Variants in BCL2 observed in about 807,000 individuals in gnomAD.
The protein encoded by BCL2 is apoptosis regulator Bcl-2.
Under a neutral mutation model 14.2 loss-of-function variants are expected in BCL2, and 1 was observed. That is an observed-to-expected ratio of 0.07 (90% confidence interval 0.02 to 0.33). The LOEUF is 0.33. Among genes scored for constraint, BCL2 ranks in the 10% least tolerant of loss-of-function variants. The pLI is 0.99. For missense variants in BCL2, 247 were observed against 305.9 expected, an observed-to-expected ratio of 0.81 and a Z score of 1.44; for synonymous variants, 151 against 137.2, an observed-to-expected ratio of 1.10 and a Z score of -0.70.
intron 2 of BCL2, among the ~76,000 whole-genome samples, chr18:63,305,244 T>C (rs1913088027): frequency 6.6e-6 from 1 of 152,216 alleles, no homozygotes; most frequent in African/African-American, 2.4e-5. Flanking sequence ...CAGAAAGCAG[T>C]AGAGTATACT....
rs1245727781 is a variant in BCL2, at chr18:63,318,507, C to T, written c.160G>A (p.Gly54Arg). The T allele has an allele frequency of 1.9e-6, 3 of 1,544,476 alleles. No homozygotes were observed. The highest frequency in any genetic ancestry group is 1.2e-5 in the South Asian group (1 of 83,564). The change falls in exon 2 of 3, where the codon GGG becomes AGG. Residue 54 changes from glycine to arginine, a missense_variant. Physicochemically the swap from Gly to Arg is moderately radical, Grantham distance 125. This residue lies in a region of BCL2 where 144 missense variants were observed against 135.3 expected (regional missense o/e 1.06). Coordinates refer to ENST00000333681, the MANE Select transcript of BCL2 (RefSeq NM_000633.3). This position sits in a 1 kb window ranked among gnomAD's most constrained non-coding sequence, Gnocchi z 7.4. ...PAPGIFSSQP[G>R]HTPHPAASRD... ...GATGCGGCTGGATGGGGCGTGTGCC[C>T]GGGCTGGGAGGAGAAGATGCCCGGT...
chr18:63,238,151 T>C (rs1014986342), intron 2 of BCL2, among the ~76,000 whole-genome samples: 4 of 152,236 alleles, frequency 2.6e-5, no homozygotes, highest in Non-Finnish European at 4.4e-5. Flanking sequence ...ACATGTATTC[T>C]TTCTCTGCTT....
intron 2 of BCL2, among the ~76,000 whole-genome samples, chr18:63,179,644 A>G (rs1230097620): frequency 6.6e-6 from 1 of 152,080 alleles, no homozygotes; most frequent in Admixed American, 6.5e-5. Context: ...TAGGGGAGGG[A>G]GCATATCTCA....
intron 2 of BCL2, among the ~76,000 whole-genome samples, chr18:63,199,491 GAC>G (rs1477643477): frequency 7.0e-6 from 1 of 142,808 alleles, no homozygotes; most frequent in African/African-American, 2.6e-5. Context: ...CACACACAGA[GAC>G]ACATGCATAC....
chr18:63,128,895 T>C (rs1913988292), intron 2 of BCL2, 136 bp from the exon 3 acceptor site: 2 of 583,810 alleles, frequency 3.4e-6, no homozygotes, highest in South Asian at 2.4e-5. Context: ...AAAAGGCAAA[T>C]GCTCTTTGGA....
At chr18:63,154,664 C>A (rs761445194) in intron 2 of BCL2, among the ~76,000 whole-genome samples, 15 of 152,168 alleles carry the variant, frequency 9.9e-5, no homozygotes, top group Non-Finnish European at 1.5e-5. Context: ...CTCTGTGAAG[C>A]CTTTCTTGAC....
intron 2 of BCL2, among the ~76,000 whole-genome samples, chr18:63,306,359 G>T (rs1406597831): frequency 6.6e-6 from 1 of 152,278 alleles, no homozygotes; most frequent in South Asian, 2.1e-4. Context: ...CCTTCTATCT[G>T]GTCACTGATT....
At chr18:63,176,062 C>T (rs909312678) in intron 2 of BCL2, among the ~76,000 whole-genome samples, 1 of 152,172 alleles carries the variant, frequency 6.6e-6, no homozygotes, top group African/African-American at 2.4e-5. Context: ...ACTCCCACAG[C>T]GTGGTTTGGT....
At chr18:63,300,501 T>G (rs1912935826) in intron 2 of BCL2, among the ~76,000 whole-genome samples, 1 of 152,022 alleles carries the variant, frequency 6.6e-6, no homozygotes, top group African/African-American at 2.4e-5. Context: ...TGTATTTTAC[T>G]TTGATATTGC....
At chr18:63,190,290 T>A (rs1055841300) in intron 2 of BCL2, among the ~76,000 whole-genome samples, 4 of 152,236 alleles carry the variant, frequency 2.6e-5, no homozygotes, top group Admixed American at 2.0e-4. Flanking sequence ...AAAATTGGAT[T>A]GGAATGCAGA....
At chr18:63,304,717 A>G (rs1012199284) in intron 2 of BCL2, among the ~76,000 whole-genome samples, 1 of 152,112 alleles carries the variant, frequency 6.6e-6, no homozygotes, top group Non-Finnish European at 1.5e-5. Flanking sequence ...CCCATTAGTT[A>G]TTTTTCCTGA....
intron 2 of BCL2, among the ~76,000 whole-genome samples, chr18:63,198,377 C>T (rs1243350435): frequency 6.7e-6 from 1 of 149,116 alleles, no homozygotes. Flanking sequence ...CTGACATAGA[C>T]ACACACAGAC....
intron 2 of BCL2, among the ~76,000 whole-genome samples, chr18:63,222,273 C>CAAA (rs35852603): frequency 1.7e-3 from 138 of 83,296 alleles, no homozygotes; most frequent in African/African-American, 3.8e-3. Context: ...GACTCCACCT[C>CAAA]AAAAAAAAAA....
chr18:63,157,734 T>G (rs1335011840), intron 2 of BCL2, among the ~76,000 whole-genome samples: 1 of 152,102 alleles, frequency 6.6e-6, no homozygotes, highest in Non-Finnish European at 1.5e-5. Flanking sequence ...TCCTCCTAAT[T>G]CAGGGCCCTT....
chr18:63,206,821 G>C (rs1023768426), intron 2 of BCL2, among the ~76,000 whole-genome samples: 3 of 152,122 alleles, frequency 2.0e-5, no homozygotes, highest in African/African-American at 7.2e-5. Flanking sequence ...CTTGGGACTA[G>C]AGTAGGTGGA....
chr18:63,261,391 C>T (rs1911654942), intron 2 of BCL2, among the ~76,000 whole-genome samples: 1 of 141,040 alleles, frequency 7.1e-6, no homozygotes, highest in Non-Finnish European at 1.5e-5. Context: ...CAGCACGATG[C>T]TTGATCCATA....
At chr18:63,159,684 A>G (rs2144617396) in intron 2 of BCL2, among the ~76,000 whole-genome samples, 1 of 152,330 alleles carries the variant, frequency 6.6e-6, no homozygotes, top group Admixed American at 6.5e-5. Context: ...TGTTGTATTC[A>G]GGAAATAGAA....
intron 2 of BCL2, among the ~76,000 whole-genome samples, chr18:63,276,025 T>C (rs566029675): frequency 6.5e-4 from 99 of 152,306 alleles, no homozygotes; most frequent in African/African-American, 2.0e-3. Flanking sequence ...GTAAAGGGTT[T>C]AGGGCACAAA....
chr18:63,206,642 T>C (rs1282174230), intron 2 of BCL2, among the ~76,000 whole-genome samples: 1 of 152,258 alleles, frequency 6.6e-6, no homozygotes, highest in Non-Finnish European at 1.5e-5. Flanking sequence ...GCATCGTTGA[T>C]GCCTCTAGTA....
Sources: gnomAD v4.1 joint callset for allele counts (sites outside exome capture counted in the v4.1 genomes callset) on GRCh38, gnomAD v4.1.1 for gene constraint, gnomAD v4.1.1 regional missense constraint, Gnocchi (gnomAD v3.1) non-coding constraint, MANE v1.5 for transcripts, NCBI Gene and HGNC (gene_info 2026-07-23, HGNC 2026-07-21) for gene names.